GSTM2: variants seen among roughly 807,000 people sequenced by gnomAD.
GSTM2 encodes the protein GST class-mu 2.
A neutral mutation model predicts 33.3 loss-of-function variants in GSTM2; 33 were observed. The observed-to-expected ratio is 0.99, with a 90% CI of 0.75 to 1.33. GSTM2 has a LOEUF of 1.33. GSTM2 is among the 40% of genes most tolerant of loss of function. The pLI is 0.00. For synonymous variants in GSTM2, 93 were observed against 95.6 expected (o/e 0.97, Z 0.16); for missense variants, 213 against 265.8 (o/e 0.80, Z 1.38).
At chr1:109,669,413 C>T (rs760002442) in intron 4 of GSTM2, 42 bp downstream of exon 4, 1 of 1,613,226 alleles carries the variant, frequency 6.2e-7, no homozygotes, top group South Asian at 1.1e-5. Context: ...GGACCGTGGC[C>T]TCCTCCTCGG....
chr1:109,668,943 G>T lies in GSTM2; in HGVS notation c.131G>T (p.Ser44Ile). 1 of 1,612,302 alleles carries T rather than the reference G, an allele frequency of 6.2e-7. No homozygotes were observed. Among genetic ancestry groups the T allele is most frequent in the Non-Finnish European group, 8.5e-7 (1 of 1,179,832 alleles). Residue 44 changes from serine (S) to isoleucine (I), a missense_variant, in exon 3 of 8, where the codon AGC (serine) becomes ATC (isoleucine). Coordinates refer to ENST00000241337, the MANE Select transcript of GSTM2 (RefSeq NM_000848.4). Reference sequence around the variant, plus strand: ...ACCACAGCTCCTGATTATGACAGAAGCCAGTGGCTGAATGAAAAATTCAAG... The same window carrying T: ...ACCACAGCTCCTGATTATGACAGAATCCAGTGGCTGAATGAAAAATTCAAG... ...TMGDAPDYDRSQWLNEKFKLG... is the reference protein window; with the variant it reads ...TMGDAPDYDRIQWLNEKFKLG...
rs28361909 is a variant in GSTM2, at chr1:109,674,451, T to C, written c.568-296T>C. ...TGATAATAGATTCAGCCTTGCAGAG[T>C]AGTCGAGTGGGTTTTCTAAGCTTAC... On this transcript the variant is annotated intron_variant, in intron 7 of 7. Transcript: ENST00000241337. Among the ~76,000 whole-genome samples, 795 of 152,156 alleles carry C rather than the reference T, an allele frequency of 5.2e-3. 1 individual carries two copies. The highest frequency in any genetic ancestry group is 0.01 in the Middle Eastern group (3 of 294).
intron 5 of GSTM2, chr1:109,671,028 G>T (rs1321237553): frequency 2.1e-6 from 1 of 467,146 alleles, no homozygotes; most frequent in South Asian, 3.1e-5. Context: ...AGAGGTTGTT[G>T]GGAGGTCAGT....
chr1:109,669,779 C>G (rs941150525), intron 5 of GSTM2: 9 of 557,028 alleles, frequency 1.6e-5, no homozygotes, highest in Non-Finnish European at 2.9e-5. Flanking sequence ...CAGATGTGTC[C>G]GCAGTTTCTT....
At position 109,674,017 on chromosome 1, in the gene GSTM2, A is replaced by G. The variant is rs114886117; in HGVS notation, c.568-730A>G. Among the ~76,000 whole-genome samples, 663 of 152,322 alleles carry G rather than the reference A, an allele frequency of 4.4e-3. 7 individuals carry two copies. The highest frequency in any genetic ancestry group is 0.016 in the African/African-American group (651 of 41,566). ...GTTAGGGCACAGTGAGATTTTGCTA[A>G]GATACCAGATGGAGAACCTTGGACT... On this transcript the variant is annotated intron_variant, in intron 7 of 7. Coordinates refer to ENST00000241337, the MANE Select transcript of GSTM2 (RefSeq NM_000848.4).
rs1553234807 is a variant in GSTM2 at position 109,681,918 on chromosome 1, T to TCTGTAGTTTATGA, written c.567+10336_567+10337insTGTAGTTTATGAC. ...TGTCTGTAGTTTATGACAATCTGTG[T>TCTGTAGTTTATGA]CATCCATGCCATTTTCAAAATTTTT... On this transcript the variant is annotated intron_variant, in intron 7 of 7. Transcript: ENST00000369831. The TCTGTAGTTTATGA allele has an allele frequency of 3.3e-5, 34 of 1,027,668 alleles. No individual in the cohort carries two copies. In the East Asian group the frequency reaches 9.4e-4, roughly 29 times the overall value. 63.7% of individuals were successfully genotyped at this position (1,027,668 alleles called of 1,614,324 possible).
Position 109,668,292 on chromosome 1 carries a change from G to T in GSTM2, c.37-133G>T, listed in dbSNP as rs115585507. On this transcript the variant is annotated intron_variant, in intron 1 of 7. Transcript: ENST00000241337. ...GGTCTGTGCTTGCCGCTGTCTGTGC[G>T]TGTGGCTGGGCGTGCGGGGTGGGGG... 9.0e-6 allele frequency: 12 copies of T among 1,338,328 alleles called. No individual in the cohort carries two copies. The African/African-American group carries it at 1.7e-4, about 19-fold the overall frequency. The allele number at this position is 1,338,328 out of a possible 1,614,324, so 82.9% of individuals were successfully genotyped here. A position where few individuals can be genotyped will look rare whatever the true frequency, so the allele number is the denominator to read the frequency against.
chr1:109,671,198 G>A (rs1280861135), intron 5 of GSTM2, 89 bp from the exon 6 acceptor site: 12 of 869,756 alleles, frequency 1.4e-5, no homozygotes, highest in Admixed American at 3.5e-5. Context: ...GCTTGCCCGC[G>A]GCCAGCTGGG....
Position 109,668,072 on chromosome 1 carries a change from C to T in GSTM2, c.-44C>T, listed in dbSNP as rs1341880488. ...TGGGCCTCTCACAAACGCTGAGCCC[C>T]GCCCCGCTGAGGCCTGTCTGCAGAA... On this transcript the variant is annotated 5_prime_UTR_variant, in exon 1 of 8. Transcript: ENST00000241337. 1 of 1,607,746 alleles carries T rather than the reference C, an allele frequency of 6.2e-7. No homozygotes were observed.
chr1:109,671,696 G>A (rs779144070), intron 7 of GSTM2, 113 bp downstream of exon 7: 13 of 760,210 alleles, frequency 1.7e-5, no homozygotes, highest in East Asian at 2.5e-5. Flanking sequence ...GGCCATGTGC[G>A]GTGGCTCACG....
downstream of GSTM2, among the ~76,000 whole-genome samples, chr1:109,679,047 C>G (rs1647788011): frequency 6.6e-6 from 1 of 152,162 alleles, no homozygotes; most frequent in South Asian, 2.1e-4. Flanking sequence ...CAGATAATTT[C>G]ATTGCTCTCC....
At chr1:109,669,246 G>C (rs1647439931) in intron 3 of GSTM2, 44 bp from the exon 4 acceptor site, 1 of 1,608,420 alleles carries the variant, frequency 6.2e-7, no homozygotes, top group African/African-American at 1.3e-5. Flanking sequence ...ATGCTGGGGA[G>C]CCTGGTGGCC....
rs1647454994 is a variant in GSTM2, at chr1:109,669,531, G to C, written c.320G>C (p.Ser107Thr). 5.0e-6 allele frequency: 8 copies of C among 1,612,718 alleles called. No individual in the cohort carries two copies. The highest frequency in any genetic ancestry group is 6.8e-6 in the Non-Finnish European group (8 of 1,178,770). ...EDILENQFMD[S>T]RMQLAKLCYD... is the part of the protein sequence containing the mutation. The stretch of plus-strand genomic sequence containing the variant: ...ATTTTGGAGAACCAGTTTATGGACA[G>C]CCGTATGCAGCTGGCCAAACTCTGC... Residue 107 changes from serine to threonine, a missense_variant, in exon 5 of 8, where the codon AGC becomes ACC. By Grantham distance (58) the Ser-to-Thr change is moderately conservative (BLOSUM62 1). Coordinates refer to ENST00000241337, the MANE Select transcript of GSTM2 (RefSeq NM_000848.4).
chr1:109,668,351 C>T (rs1419006236), intron 1 of GSTM2, 74 bp from the exon 2 acceptor site: 3 of 1,526,144 alleles, frequency 2.0e-6, no homozygotes, highest in Non-Finnish European at 2.7e-6. Flanking sequence ...GGAGATGGGG[C>T]TCCCCTTGTG....
intron 2 of GSTM2, 79 bp downstream of exon 2, chr1:109,668,579 T>C: frequency 6.7e-7 from 1 of 1,500,176 alleles, no homozygotes; most frequent in Non-Finnish European, 9.3e-7. Context: ...CACCTGTGGC[T>C]GACTCTGCAG....
chr1:109,671,695 C>T (rs910408484), intron 7 of GSTM2, 112 bp downstream of exon 7: 21 of 759,936 alleles, frequency 2.8e-5, no homozygotes, highest in South Asian at 7.1e-5. Flanking sequence ...TGGCCATGTG[C>T]GGTGGCTCAC....
intron 5 of GSTM2, 121 bp from the exon 6 acceptor site, chr1:109,671,160 CCCAGTT>C: frequency 2.8e-6 from 2 of 712,320 alleles, no homozygotes; most frequent in Non-Finnish European, 5.2e-6. Flanking sequence ...TGGACAGTGA[CCCAGTT>C]CCAGCTGTGG....
chr1:109,676,266 A>C (rs529381537), downstream of GSTM2, among the ~76,000 whole-genome samples: 13 of 152,280 alleles, frequency 8.5e-5, no homozygotes, highest in East Asian at 2.5e-3. Context: ...CTTCTAATAG[A>C]TTTATTCACT....
Position 109,669,319 on chromosome 1 carries a change from G to A in GSTM2, c.207G>A (p.Lys69=), listed in dbSNP as rs754364196. 11 of 1,614,230 alleles carry A rather than the reference G, an allele frequency of 6.8e-6. 1 individual carries two copies. Among genetic ancestry groups the A allele is most frequent in the Middle Eastern group, 1.6e-4 (1 of 6,062 alleles). Residue 69 remains lysine (K), a synonymous_variant, in exon 4 of 8, where the codon AAG becomes AAA. Coordinates refer to ENST00000241337, the MANE Select transcript of GSTM2 (RefSeq NM_000848.4). The part of the protein sequence containing the change: ...NLPYLIDGTH[K]ITQSNAILRY... ...CCTACTTGATTGATGGGACTCACAA[G>A]ATCACCCAGAGCAACGCCATCCTGC... is the stretch of plus-strand genomic sequence containing the variant.
Sources: gnomAD v4.1 joint callset for allele counts (sites outside exome capture counted in the v4.1 genomes callset) on GRCh38, gnomAD v4.1.1 for gene constraint, MANE v1.5 for transcripts, NCBI Gene and HGNC (gene_info 2026-07-23, HGNC 2026-07-21) for gene names.